Variants in SLC35F1 observed in about 807,000 individuals in gnomAD.
SLC35F1 encodes the protein chromosome 6 open reading frame 169.
In SLC35F1, 14 loss-of-function variants were observed where a neutral mutation model predicts 48.7. The ratio of observed to expected loss-of-function variants is 0.29; its 90% confidence interval spans 0.19 to 0.45. The LOEUF (loss-of-function observed/expected upper bound fraction) is 0.45. SLC35F1 is among the 20% of genes least tolerant of loss of function. The probability of loss-of-function intolerance (pLI) is 1.00; values close to 1 mark genes in which losing one functional copy is unlikely to be tolerated. For synonymous variants in SLC35F1, 190 were observed against 202.2 expected, an observed-to-expected ratio of 0.94 and a Z score of 0.51; for missense variants, 404 against 500.0, an observed-to-expected ratio of 0.81 and a Z score of 1.83.
At chr6:118,206,088 G>A (rs1451894455) in intron 2 of SLC35F1, among the ~76,000 whole-genome samples, 1 of 152,112 alleles carries the variant, frequency 6.6e-6, no homozygotes, top group Non-Finnish European at 1.5e-5. Flanking sequence ...TATTGTAAAT[G>A]TATGGCTATA....
Position 118,211,358 on chromosome 6 carries a change from C to G in SLC35F1, c.350-24151C>G, listed in dbSNP as rs181094948. Among the ~76,000 whole-genome samples, 502 of 152,288 alleles carry G rather than the reference C, an allele frequency of 3.3e-3. 2 individuals are homozygous for G. The highest frequency in any genetic ancestry group is 0.011 in the African/African-American group (466 of 41,562). ...ATGCATGTATGTGTGTCTCATAACT[C>G]TCCTCCCAGACCATAAGGTCTTACG... On this transcript the variant is annotated intron_variant, in intron 2 of 7. Transcript: ENST00000360388.
intron 1 of SLC35F1, among the ~76,000 whole-genome samples, chr6:118,103,155 T>G (rs188479254): frequency 6.6e-6 from 1 of 152,352 alleles, no homozygotes; most frequent in Non-Finnish European, 1.5e-5. Flanking sequence ...AGCAAGCAGT[T>G]GATTATCATC....
intron 1 of SLC35F1, among the ~76,000 whole-genome samples, chr6:118,139,319 A>T (rs1228928753): frequency 1.3e-5 from 2 of 152,026 alleles, no homozygotes; most frequent in African/African-American, 4.8e-5. Flanking sequence ...TCACCGTGTT[A>T]GCCAGGATGG....
chr6:118,052,046 T>C (rs1772398915), intron 1 of SLC35F1, among the ~76,000 whole-genome samples: 1 of 152,106 alleles, frequency 6.6e-6, no homozygotes, highest in South Asian at 2.1e-4. Flanking sequence ...CCAACCAATG[T>C]GCTGTACTTC....
intron 2 of SLC35F1, among the ~76,000 whole-genome samples, chr6:118,190,556 A>G (rs897042733): frequency 2.0e-5 from 3 of 152,146 alleles, no homozygotes; most frequent in Non-Finnish European, 4.4e-5. Context: ...GTCTCAGCAT[A>G]TCATTCATAG....
intron 1 of SLC35F1, among the ~76,000 whole-genome samples, chr6:118,055,673 A>C (rs1038136202): frequency 6.6e-6 from 1 of 152,142 alleles, no homozygotes; most frequent in Admixed American, 6.5e-5. Flanking sequence ...TGAGGTCTAC[A>C]AGCAGAAAAG....
At chr6:118,280,160 T>C (rs923341862) in intron 6 of SLC35F1, among the ~76,000 whole-genome samples, 1 of 152,226 alleles carries the variant, frequency 6.6e-6, no homozygotes, top group African/African-American at 2.4e-5. Context: ...ACAGAAAGAC[T>C]GATTGTGATT....
intron 1 of SLC35F1, among the ~76,000 whole-genome samples, chr6:117,930,530 G>C (rs1776087001): frequency 6.6e-6 from 1 of 152,074 alleles, no homozygotes; most frequent in South Asian, 2.1e-4. Flanking sequence ...ACAGGACCTA[G>C]ATAGGCCTCT....
intron 3 of SLC35F1, among the ~76,000 whole-genome samples, chr6:118,237,412 T>G (rs1775380037): frequency 6.6e-6 from 1 of 152,090 alleles, no homozygotes; most frequent in Admixed American, 6.6e-5. Flanking sequence ...TTTTTTTTCC[T>G]TTGTCTCACT....
At chr6:118,228,677 G>A (rs1427596583) in intron 2 of SLC35F1, among the ~76,000 whole-genome samples, 1 of 152,116 alleles carries the variant, frequency 6.6e-6, no homozygotes, top group Non-Finnish European at 1.5e-5. Flanking sequence ...CTGGGTGGCA[G>A]AATGGGACCC....
chr6:118,277,356 G>C, intron 5 of SLC35F1, 138 bp from the exon 6 acceptor site: 1 of 767,656 alleles, frequency 1.3e-6, no homozygotes, highest in South Asian at 1.7e-5. Flanking sequence ...GCTTCTGCAT[G>C]ACCCAAAATT....
rs1776414477 is a variant in SLC35F1 at position 118,314,951 on chromosome 6, T to C, written c.*699T>C. Reference sequence around the variant, plus strand: ...TGATTACTCCAGGCCATTGCCTTTCTGTTGTGCCACGTGATTCTGCTAATC... The same window carrying C: ...TGATTACTCCAGGCCATTGCCTTTCCGTTGTGCCACGTGATTCTGCTAATC... On this transcript the variant is annotated 3_prime_UTR_variant, in exon 8 of 8. Coordinates refer to ENST00000360388, the MANE Select transcript of SLC35F1 (RefSeq NM_001029858.4). The C allele has an allele frequency of 6.5e-6, 1 of 152,918 alleles. No individual in the cohort carries two copies. Among genetic ancestry groups the C allele is most frequent in the African/African-American group, 2.4e-5 (1 of 41,470 alleles). The allele number at this position is 152,918 out of a possible 1,614,324, so 9.5% of individuals were successfully genotyped here.
At chr6:118,050,360 TATA>T (rs1334840386) in intron 1 of SLC35F1, among the ~76,000 whole-genome samples, 1 of 139,064 alleles carries the variant, frequency 7.2e-6, no homozygotes, top group Non-Finnish European at 1.6e-5. Flanking sequence ...AAACTTAAAG[TATA>T]ATAATAATAA....
chr6:118,078,605 A>G (rs1480377577), intron 1 of SLC35F1, among the ~76,000 whole-genome samples: 2 of 152,238 alleles, frequency 1.3e-5, no homozygotes, highest in African/African-American at 4.8e-5. Flanking sequence ...GTGGTGGATT[A>G]CACATTGATT....
chr6:118,131,920 T>C (rs1416535437), intron 1 of SLC35F1, among the ~76,000 whole-genome samples: 6 of 152,150 alleles, frequency 3.9e-5, no homozygotes, highest in African/African-American at 1.4e-4. Context: ...CAGGTTTTTC[T>C]AGAAATAAGT....
At chr6:118,297,650 T>TAC (rs1562354705) in intron 7 of SLC35F1, among the ~76,000 whole-genome samples, 1 of 92,802 alleles carries the variant, frequency 1.1e-5, no homozygotes, top group Non-Finnish European at 2.2e-5. Context: ...AAAATATATA[T>TAC]ATAATATATA....
intron 2 of SLC35F1, among the ~76,000 whole-genome samples, chr6:118,223,351 C>T (rs1477531450): frequency 6.9e-6 from 1 of 145,760 alleles, no homozygotes; most frequent in Non-Finnish European, 1.5e-5. Context: ...TACTGCGAGC[C>T]AGACACTTTA....
chr6:118,184,291 A>T (rs191642328), intron 2 of SLC35F1, among the ~76,000 whole-genome samples: 1 of 152,308 alleles, frequency 6.6e-6, no homozygotes, highest in Admixed American at 6.5e-5. Flanking sequence ...GTTTTTCCAG[A>T]TGATGGAGTA....
At chr6:118,212,876 A>T (rs1380320017) in intron 2 of SLC35F1, among the ~76,000 whole-genome samples, 1 of 152,176 alleles carries the variant, frequency 6.6e-6, no homozygotes, top group Non-Finnish European at 1.5e-5. Context: ...TTCTTATAGG[A>T]GTAGATATCA....
Sources: gnomAD v4.1 joint callset for allele counts (sites outside exome capture counted in the v4.1 genomes callset) on GRCh38, gnomAD v4.1.1 for gene constraint, MANE v1.5 for transcripts, NCBI Gene and HGNC (gene_info 2026-07-23, HGNC 2026-07-21) for gene names.